ABCA1: variants seen among roughly 807,000 people sequenced by gnomAD.
The protein encoded by ABCA1 is phospholipid-transporting ATPase ABCA1.
In ABCA1, 133 loss-of-function variants were observed where a neutral mutation model predicts 262.5. The ratio of observed to expected loss-of-function variants is 0.51; its 90% CI spans 0.44 to 0.59. The LOEUF (loss-of-function observed/expected upper bound fraction) is 0.59, where lower values mean the gene tolerates loss of function less well. Ranked by LOEUF, ABCA1 falls within the 20% of genes least tolerant of loss-of-function variation. The pLI is 0.00. For missense variants in ABCA1, 2,452 were observed against 2,777.5 expected, an observed-to-expected ratio of 0.88 and a Z score of 2.63; for synonymous variants, 1,022 against 1,043.5, an observed-to-expected ratio of 0.98 and a Z score of 0.40.
intron 36 of ABCA1, 92 bp from the exon 37 acceptor site, chr9:104,798,690 G>A (rs1016562745): frequency 5.5e-5 from 58 of 1,061,872 alleles, no homozygotes; most frequent in East Asian, 1.5e-4. Context: ...AAACACACAC[G>A]TACACACACA....
At position 104,827,058 on chromosome 9, in the gene ABCA1, C is replaced by A; in HGVS notation, c.2227G>T (p.Ala743Ser). Residue 743 changes from alanine to serine, a missense_variant, in exon 16 of 50, where the codon GCC becomes TCC. Transcript: ENST00000374736. ...CFLISTLFSR[A>S]NLAAACGGII... ...CCCCCACAGGCTGCTGCCAGGTTGG[C>A]TCTGGAGAAGAGTGTGCTAATCAGG... The A allele has an allele frequency of 2.5e-6, 4 of 1,614,176 alleles. No individual in the cohort carries two copies. Among genetic ancestry groups the A allele is most frequent in the Non-Finnish European group, 3.4e-6 (4 of 1,180,030 alleles).
chr9:104,879,183 G>A (rs1838415719), intron 5 of ABCA1, among the ~76,000 whole-genome samples: 1 of 152,170 alleles, frequency 6.6e-6, no homozygotes, highest in African/African-American at 2.4e-5. Context: ...CCATCAGCCA[G>A]TCTATTTCAA....
chr9:104,852,816 C>T (rs897299365), intron 7 of ABCA1, among the ~76,000 whole-genome samples: 3 of 152,130 alleles, frequency 2.0e-5, no homozygotes, highest in African/African-American at 4.8e-5. Context: ...CAACAATGTC[C>T]GGGTTCCAGA....
chr9:104,901,150 T>C (rs1840632807), intron 2 of ABCA1, among the ~76,000 whole-genome samples: 1 of 152,170 alleles, frequency 6.6e-6, no homozygotes, highest in African/African-American at 2.4e-5. Context: ...CGGAAAACCT[T>C]TTCCCTGCCC....
In ABCA1 at chr9:104,831,690, GGGC is replaced by G; in HGVS notation, c.1644_1646del (p.Pro549del). On this transcript the variant is annotated inframe_deletion, in exon 13 of 50. Transcript: ENST00000374736. ...TTCGGATCTTGTACTTGACATGATGGGGCAGCTCAATGCTGCCTGGAGTAATTC... is the reference window on the plus strand; with the variant it reads ...TTCGGATCTTGTACTTGACATGATGGAGCTCAATGCTGCCTGGAGTAATTC... The G allele has an allele frequency of 6.2e-7, 1 of 1,614,034 alleles. No individual in the cohort carries two copies. Among genetic ancestry groups the G allele is most frequent in the Non-Finnish European group, 8.5e-7 (1 of 1,179,956 alleles).
Position 104,818,671 on chromosome 9 carries a change from G to C in ABCA1, c.3454C>G (p.Leu1152Val). Residue 1152 changes from leucine (L) to valine (V), a missense_variant, in exon 23 of 50, where the codon CTG becomes GTG. Around this residue, in one of 4 missense-constraint regions of ABCA1, gnomAD observed 665 missense variants for 727.3 expected, o/e 0.91. Transcript: ENST00000374736. ...CRNSSSTVSY[L>V]KKEDSVSQSS... ...CCAAGACTGCAGCTCACCTTTTTCA[G>C]GTATGACACAGTGCTACTACTGTTT... The C allele has an allele frequency of 6.2e-7, 1 of 1,612,982 alleles. No homozygotes were observed. Among genetic ancestry groups the C allele is most frequent in the Non-Finnish European group, 8.5e-7 (1 of 1,179,990 alleles).
chr9:104,925,327 T>C (rs1164689032), intron 1 of ABCA1, among the ~76,000 whole-genome samples: 2 of 144,644 alleles, frequency 1.4e-5, no homozygotes, highest in African/African-American at 5.1e-5. Context: ...CAGTGAGCCA[T>C]ATCGTGCCAC....
At chr9:104,848,399 G>T (rs1835078957) in intron 7 of ABCA1, among the ~76,000 whole-genome samples, 1 of 152,112 alleles carries the variant, frequency 6.6e-6, no homozygotes, top group Admixed American at 6.5e-5. Context: ...TGGATCACCT[G>T]AGGTCAGGAG....
rs1832752120 is a variant in ABCA1 at position 104,825,665 on chromosome 9, A to T, written c.2542+18T>A. 1 of 1,613,178 alleles carries T rather than the reference A, an allele frequency of 6.2e-7. No homozygotes were observed. Among genetic ancestry groups the T allele is most frequent in the Admixed American group, 1.7e-5 (1 of 60,016 alleles). ...GCTAGAAGTCATATTTTCCAAACAG[A>T]TGCCCAAAGCAGTGTACCTGGAAAG... On this transcript the variant is annotated intron_variant, in intron 17 of 49. Coordinates refer to ENST00000374736, the MANE Select transcript of ABCA1 (RefSeq NM_005502.4).
intron 5 of ABCA1, among the ~76,000 whole-genome samples, chr9:104,862,094 TTTCC>T (rs1209458478): frequency 6.7e-6 from 1 of 149,338 alleles, no homozygotes; most frequent in African/African-American, 2.5e-5. Flanking sequence ...ACACACAGCC[TTTCC>T]TTTTCTTTTT....
chr9:104,867,386 TATC>T (rs1279635740), intron 5 of ABCA1, among the ~76,000 whole-genome samples: 20 of 152,356 alleles, frequency 1.3e-4, no homozygotes, highest in Admixed American at 5.2e-4. Flanking sequence ...GGATGGCTAA[TATC>T]ATCATCATTT....
intron 20 of ABCA1, 21 bp from the exon 21 acceptor site, chr9:104,820,090 C>T (rs1164665534): frequency 6.2e-7 from 1 of 1,613,930 alleles, no homozygotes; most frequent in Non-Finnish European, 8.5e-7. Flanking sequence ...GGAGGCAGGT[C>T]AGCTCTGGGC....
chr9:104,888,891 T>G (rs1238037944), intron 3 of ABCA1, among the ~76,000 whole-genome samples: 1 of 152,254 alleles, frequency 6.6e-6, no homozygotes, highest in East Asian at 1.9e-4. Flanking sequence ...TGTCTACTGT[T>G]ATAATTACAA....
intron 5 of ABCA1, among the ~76,000 whole-genome samples, chr9:104,862,638 C>T (rs1399054611): frequency 1.8e-4 from 3 of 16,724 alleles, no homozygotes; most frequent in Non-Finnish European, 5.7e-4. Context: ...GACTGCCGGG[C>T]CGGGCCGGGC....
rs1254223785 is a variant in ABCA1, at chr9:104,886,873, C to T, written c.160+2229G>A. 2.6e-5 allele frequency among the ~76,000 whole-genome samples: 4 copies of T among 152,284 alleles called. No homozygotes were observed. In the East Asian group the frequency reaches 7.7e-4, roughly 29 times the overall value. ...GATTTACAGAGAATTTCAAACCAGT[C>T]CTTTGTTCCTAGGGACAAGACACCT... On this transcript the variant is annotated intron_variant, in intron 3 of 49. Coordinates refer to ENST00000374736, the MANE Select transcript of ABCA1 (RefSeq NM_005502.4).
intron 2 of ABCA1, among the ~76,000 whole-genome samples, chr9:104,889,772 T>C (rs893059084): frequency 6.6e-6 from 1 of 152,162 alleles, no homozygotes; most frequent in African/African-American, 2.4e-5. Flanking sequence ...CTGCTCCCTA[T>C]GGGGCAGAGA....
At chr9:104,864,119 C>T (rs1484229379) in intron 5 of ABCA1, among the ~76,000 whole-genome samples, 1 of 152,164 alleles carries the variant, frequency 6.6e-6, no homozygotes, top group East Asian at 1.9e-4. Flanking sequence ...GTTCTTAGTA[C>T]CACCAATGCC....
At chr9:104,884,912 T>C (rs1445131149) in intron 3 of ABCA1, among the ~76,000 whole-genome samples, 4 of 152,186 alleles carry the variant, frequency 2.6e-5, no homozygotes, top group South Asian at 4.1e-4. Flanking sequence ...CCTAAGCCTA[T>C]TTTTTCATAC....
intron 2 of ABCA1, among the ~76,000 whole-genome samples, chr9:104,897,580 C>T (rs1840326722): frequency 6.6e-6 from 1 of 152,102 alleles, no homozygotes; most frequent in Non-Finnish European, 1.5e-5. Context: ...GATTTGGAGC[C>T]AAAAGATCCC....
Sources: gnomAD v4.1 joint callset for allele counts (sites outside exome capture counted in the v4.1 genomes callset) on GRCh38, gnomAD v4.1.1 for gene constraint, gnomAD v4.1.1 regional missense constraint, MANE v1.5 for transcripts, NCBI Gene and HGNC (gene_info 2026-07-23, HGNC 2026-07-21) for gene names.